Variants in TSEN34 observed in about 807,000 individuals in gnomAD.
TSEN34 encodes tRNA splicing endonuclease subunit 34, also known as tRNA-splicing endonuclease subunit Sen34.
Under a neutral mutation model 30.2 loss-of-function variants are expected in TSEN34, and 25 were observed. The observed-to-expected ratio is 0.83, with a 90% CI of 0.60 to 1.16. TSEN34 has a LOEUF of 1.16. TSEN34 is among the 50% of genes most tolerant of loss of function. The pLI is 0.00. For synonymous variants in TSEN34, 209 were observed against 177.4 expected, an observed-to-expected ratio of 1.18 and a Z score of -1.41; for missense variants, 475 against 411.9, an observed-to-expected ratio of 1.15 and a Z score of -1.33.
intron 3 of TSEN34, among the ~76,000 whole-genome samples, chr19:54,192,884 A>G (rs1466899093): frequency 1.3e-5 from 2 of 151,682 alleles, no homozygotes; most frequent in Non-Finnish European, 2.9e-5. Context: ...GGGTGCCTGT[A>G]TTTCCAGCTA....
Position 54,191,350 on chromosome 19 carries a change from G to A in TSEN34, c.-15G>A. ...TGTTTCGGTAACTGCTTTGCCTCCC[G>A]GCTCCCGCAGGAGGATGCTGGTGGT... On this transcript the variant is annotated 5_prime_UTR_variant, in exon 1 of 4. Transcript: ENST00000396388. 1.3e-6 allele frequency: 2 copies of A among 1,549,344 alleles called. No homozygotes were observed. Among genetic ancestry groups the A allele is most frequent in the Non-Finnish European group, 1.7e-6 (2 of 1,146,834 alleles).
In TSEN34 at chr19:54,193,375, T is replaced by TA. The variant is rs1469210837; in HGVS notation, c.*14dup. 8.1e-6 allele frequency: 13 copies of TA among 1,614,028 alleles called. No individual in the cohort carries two copies. On this transcript the variant is annotated 3_prime_UTR_variant, in exon 4 of 4. Coordinates refer to ENST00000396388, the MANE Select transcript of TSEN34 (RefSeq NM_001077446.4). ...CAGCCTGCAGTGAACTCCAGAGACC[T>TA]AGGGGATGTGGCTGTGTCGGCAGCA...
At chr19:54,190,483 G>C (rs16985457), upstream of TSEN34, 312,054 of 1,371,970 alleles carry the variant, frequency 0.23, 37,732 homozygotes, top group Non-Finnish European at 0.25. Flanking sequence ...TGGACGGCGG[G>C]TGTCCAGGGG....
At chr19:54,190,378 C>A (rs565852786), upstream of TSEN34, 1 of 1,507,326 alleles carries the variant, frequency 6.6e-7, no homozygotes. Flanking sequence ...TGAGGTGACT[C>A]GCTGGTTCTA....
At chr19:54,192,599 C>T (rs1347402787) in intron 3 of TSEN34, among the ~76,000 whole-genome samples, 1 of 152,096 alleles carries the variant, frequency 6.6e-6, no homozygotes, top group Non-Finnish European at 1.5e-5. Flanking sequence ...CTCTTAGCCT[C>T]TGAAATTCAT....
upstream of TSEN34, chr19:54,189,567 T>TCCAGGTCCACACTGGGATCCGAGC (rs2076576301): frequency 6.6e-6 from 1 of 152,538 alleles, no homozygotes; most frequent in Admixed American, 6.5e-5. Context: ...GGGATTCGAG[T>TCCAGGTCCACACTGGGATCCGAGC]CCAGGTCCAC....
upstream of TSEN34, chr19:54,191,279 G>C (rs1439554854): frequency 2.6e-6 from 4 of 1,534,548 alleles, no homozygotes; most frequent in African/African-American, 4.2e-5. Flanking sequence ...GCTTCGCCGA[G>C]ACCCCGGAGG....
At position 54,191,526 on chromosome 19, in the gene TSEN34, C is replaced by T. The variant is rs745956010; in HGVS notation, c.162C>T (p.Pro54=). ...TGGGCCTCCCGCTGCTGCTGATGCC[C>T]GAAGAGGCGCGGCTCTTGGCCGAGA... ...SRLGLPLLLM[P]EEARLLAEIG... Residue 54 remains proline (P), a synonymous_variant, in exon 1 of 4, where the codon CCC becomes CCT. Coordinates refer to ENST00000396388, the MANE Select transcript of TSEN34 (RefSeq NM_001077446.4). The T allele has an allele frequency of 1.9e-6, 3 of 1,598,076 alleles. No individual in the cohort carries two copies. The highest frequency in any genetic ancestry group is 1.7e-6 in the Non-Finnish European group (2 of 1,177,450).
chr19:54,193,655 T>C lies in TSEN34; in HGVS notation c.*293T>C, dbSNP rs1283981296. ...TCTCAGGAGGTCTCAATAAACTTGG[T>C]ATATAAATGTTCATGATTTGAATGT... On this transcript the variant is annotated 3_prime_UTR_variant, in exon 4 of 4. Coordinates refer to ENST00000396388, the MANE Select transcript of TSEN34 (RefSeq NM_001077446.4). 1.0e-6 allele frequency: 1 copy of C among 960,112 alleles called. No homozygotes were observed. 59.5% of individuals were successfully genotyped at this position (960,112 alleles called of 1,614,324 possible). A position where few individuals can be genotyped will look rare whatever the true frequency, so the allele number is the denominator to read the frequency against.
rs764845571 is a variant in TSEN34 at position 54,191,587 on chromosome 19, G to C, written c.223G>C (p.Asp75His). ...AVTLVSAPRP[D>H]SRHHSLALTS... ...GACTCTGGTCAGCGCCCCGCGTCCA[G>C]ACTCTCGGCACCACAGCCTGGTAAG... Residue 75 changes from aspartate (D) to histidine (H), a missense_variant, in exon 1 of 4, where the codon GAC becomes CAC. Physicochemically the swap from Asp to His is moderately conservative, Grantham distance 81. Transcript: ENST00000396388. The C allele has an allele frequency of 6.2e-7, 1 of 1,603,204 alleles. No individual in the cohort carries two copies.
chr19:54,190,333 T>C, upstream of TSEN34: 2 of 1,525,422 alleles, frequency 1.3e-6, no homozygotes, highest in Non-Finnish European at 1.8e-6. Context: ...CGGTGCGCAG[T>C]GGGTGGCTCC....
upstream of TSEN34, chr19:54,190,390 CG>C: frequency 6.7e-7 from 1 of 1,498,844 alleles, no homozygotes; most frequent in Non-Finnish European, 8.9e-7. Context: ...CTGGTTCTAT[CG>C]GTGGACAGTG....
chr19:54,190,768 G>A (rs762552175), upstream of TSEN34: 9 of 1,162,900 alleles, frequency 7.7e-6, no homozygotes, highest in Admixed American at 4.4e-5. Context: ...GTGCTCGGGA[G>A]GGGGCAGGGT....
intron 3 of TSEN34, among the ~76,000 whole-genome samples, chr19:54,192,947 G>C (rs2076761414): frequency 7.0e-6 from 1 of 142,648 alleles, no homozygotes; most frequent in South Asian, 2.2e-4. Flanking sequence ...AGAGGTTGTA[G>C]TGAGCCAAGA....
Position 54,193,804 on chromosome 19 carries a change from A to C in TSEN34, c.*442A>C, listed in dbSNP as rs919196574. 6.3e-6 allele frequency: 4 copies of C among 638,584 alleles called. No homozygotes were observed. Among genetic ancestry groups the C allele is most frequent in the African/African-American group, 1.8e-5 (1 of 54,616 alleles). The allele number at this position is 638,584 out of a possible 1,614,324, so 39.6% of individuals were successfully genotyped here. ...AGTAAATAGCAGGCCTGGCCTTTCA[A>C]AATTGGTTTTTCTGACTCCTAAATC... On this transcript the variant is annotated 3_prime_UTR_variant, in exon 4 of 4. Coordinates refer to ENST00000396388, the MANE Select transcript of TSEN34 (RefSeq NM_001077446.4).
Position 54,193,695 on chromosome 19 carries a change from G to T in TSEN34, c.*333G>T, listed in dbSNP as rs2147093374. 1 of 802,694 alleles carries T rather than the reference G, an allele frequency of 1.2e-6. No homozygotes were observed. The highest frequency in any genetic ancestry group is 2.6e-5 in the East Asian group (1 of 37,736). The allele number at this position is 802,694 out of a possible 1,614,324, so 49.7% of individuals were successfully genotyped here. A position where few individuals can be genotyped will look rare whatever the true frequency, so the allele number is the denominator to read the frequency against. On this transcript the variant is annotated 3_prime_UTR_variant, in exon 4 of 4. Coordinates refer to ENST00000396388, the MANE Select transcript of TSEN34 (RefSeq NM_001077446.4). The stretch of plus-strand genomic sequence containing the variant: ...GATTTGAATGTTTGCGACAGTCCTG[G>T]AACCCGTGGATGGTCTCATCTGCAT...
chr19:54,191,557 G>T lies in TSEN34; in HGVS notation c.193G>T (p.Ala65Ser). The T allele has an allele frequency of 1.2e-6, 2 of 1,601,910 alleles. No individual in the cohort carries two copies. ...EEARLLAEIG[A>S]VTLVSAPRPD... ...GGCGCGGCTCTTGGCCGAGATCGGC[G>T]CCGTGACTCTGGTCAGCGCCCCGCG... Residue 65 changes from alanine (A) to serine (S), a missense_variant, in exon 1 of 4, where the codon GCC (alanine) becomes TCC (serine). Physicochemically the swap from Ala to Ser is moderately conservative, Grantham distance 99 (BLOSUM62 1). Transcript: ENST00000396388.
In TSEN34 at chr19:54,193,308, G is replaced by A. The variant is rs373345294; in HGVS notation, c.879G>A (p.Pro293=). ...SVRKTLLLCS[P]QPDGKVVYTS... ...GAAAGACCCTGCTCCTCTGTTCTCC[G>A]CAGCCTGATGGTAAGGTGGTCTACA... Residue 293 remains proline (P), a synonymous_variant, in exon 4 of 4, where the codon CCG becomes CCA. Coordinates refer to ENST00000396388, the MANE Select transcript of TSEN34 (RefSeq NM_001077446.4). 19 of 1,613,958 alleles carry A rather than the reference G, an allele frequency of 1.2e-5. No individual in the cohort carries two copies. The African/African-American group carries it at 2.1e-4, about 18-fold the overall frequency.
rs1002360680 is a variant in TSEN34 at position 54,193,700 on chromosome 19, C to T, written c.*338C>T. 13 of 786,704 alleles carry T rather than the reference C, an allele frequency of 1.7e-5. No individual in the cohort carries two copies. The highest frequency in any genetic ancestry group is 2.2e-5 in the Non-Finnish European group (10 of 462,352). The allele number at this position is 786,704 out of a possible 1,614,324, so 48.7% of individuals were successfully genotyped here. A position where few individuals can be genotyped will look rare whatever the true frequency, so the allele number is the denominator to read the frequency against. The stretch of plus-strand genomic sequence containing the variant: ...GAATGTTTGCGACAGTCCTGGAACC[C>T]GTGGATGGTCTCATCTGCATGTACA... On this transcript the variant is annotated 3_prime_UTR_variant, in exon 4 of 4. Transcript: ENST00000396388.
Sources: allele counts gnomAD v4.1 joint callset (sites outside exome capture counted in the v4.1 genomes callset), GRCh38; gene constraint gnomAD v4.1.1; transcripts MANE v1.5; gene names NCBI Gene and HGNC (gene_info 2026-07-23, HGNC 2026-07-21).